PIM3: variants seen among roughly 807,000 people sequenced by gnomAD.
The protein encoded by PIM3 is serine/threonine-protein kinase pim-3.
Under a neutral mutation model 27.5 loss-of-function variants are expected in PIM3, and 13 were observed. That is an observed-to-expected ratio of 0.47 (90% CI 0.31 to 0.75). PIM3 has a LOEUF of 0.75. PIM3 is among the 30% of genes least tolerant of loss of function. The pLI, the probability that PIM3 is intolerant of heterozygous loss-of-function variation, is 0.05. For missense variants in PIM3, 482 were observed against 476.9 expected (o/e 1.01, Z -0.10); for synonymous variants, 341 against 221.1 (o/e 1.54, Z -4.81).
intron 4 of PIM3, among the ~76,000 whole-genome samples, chr22:49,962,162 C>A (rs2060910957): frequency 6.6e-6 from 1 of 151,966 alleles, no homozygotes; most frequent in Non-Finnish European, 1.5e-5. Context: ...CAGGGCGCAG[C>A]CGGGCTGGGT....
chr22:49,961,860 G>A, intron 4 of PIM3, 49 bp downstream of exon 4: 1 of 1,599,430 alleles, frequency 6.3e-7, no homozygotes, highest in Non-Finnish European at 8.5e-7. Flanking sequence ...TTGCCGGCGG[G>A]TTAACGCCTG....
rs539764110 is a variant in PIM3, at chr22:49,961,507, C to T, written c.312C>T (p.Arg104=). ...AGGTGGGCGCGGCGGGCGGCGCGCG[C>T]GGCGTCATCCGCCTGCTGGACTGGT... ...LRKVGAAGGA[R]GVIRLLDWFE... Residue 104 remains arginine (R), a synonymous_variant, in exon 4 of 6, where the codon CGC becomes CGT. Coordinates refer to ENST00000360612, the MANE Select transcript of PIM3 (RefSeq NM_001001852.4). The T allele has an allele frequency of 5.9e-5, 89 of 1,500,536 alleles. 1 individual carries two copies. In the South Asian group the frequency reaches 1.1e-3, roughly 18 times the overall value. 93.0% of individuals were successfully genotyped at this position (1,500,536 alleles called of 1,614,324 possible). A position where few individuals can be genotyped will look rare whatever the true frequency, so the allele number is the denominator to read the frequency against.
chr22:49,961,290 G>C, intron 2 of PIM3, 28 bp from the exon 3 acceptor site: 1 of 1,543,404 alleles, frequency 6.5e-7, no homozygotes. Flanking sequence ...GCCTCGCTTG[G>C]CCCGGCCTGA....
chr22:49,963,991 G>T lies in PIM3; in HGVS notation c.*864G>T, dbSNP rs908872556. The T allele has an allele frequency of 6.6e-6, 1 of 152,330 alleles. No homozygotes were observed. The highest frequency in any genetic ancestry group is 1.5e-5 in the Non-Finnish European group (1 of 68,046). 9.4% of individuals were successfully genotyped at this position (152,330 alleles called of 1,614,324 possible). A position where few individuals can be genotyped will look rare whatever the true frequency, so the allele number is the denominator to read the frequency against. ...CGGTGTGTGCAGGCATCGCAGATGG[G>T]GGTTCTTTCAGTTCAAAAGTGAGAT... On this transcript the variant is annotated 3_prime_UTR_variant, in exon 6 of 6. Coordinates refer to ENST00000360612, the MANE Select transcript of PIM3 (RefSeq NM_001001852.4).
Position 49,961,311 on chromosome 22 carries a change from T to C in PIM3, c.196-7T>C, listed in dbSNP as rs527758642. On this transcript the variant is annotated splice_region_variant and splice_polypyrimidine_tract_variant and intron_variant, in intron 2 of 5. Coordinates refer to ENST00000360612, the MANE Select transcript of PIM3 (RefSeq NM_001001852.4). ...CTTGGCCCGGCCTGACCCCCGCGTC[T>C]CCGCAGGTGGCTGTGAAGCACGTGG... is the stretch of plus-strand genomic sequence containing the variant. The C allele has an allele frequency of 1.9e-4, 292 of 1,545,114 alleles. 2 individuals carry two copies. Among genetic ancestry groups the C allele is most frequent in the Middle Eastern group, 1.1e-3 (6 of 5,304 alleles).
In PIM3 at chr22:49,960,876, C is replaced by A; in HGVS notation, c.-72C>A. On this transcript the variant is annotated 5_prime_UTR_variant, in exon 1 of 6. Transcript: ENST00000360612. The stretch of plus-strand genomic sequence containing the variant: ...GGGCTCGGACGGCCGGTGTCCCCGG[C>A]GCGCCGCTCGCCCGGATCGGCCGCG... The A allele has an allele frequency of 9.1e-7, 1 of 1,099,728 alleles. No individual in the cohort carries two copies. The highest frequency in any genetic ancestry group is 1.1e-6 in the Non-Finnish European group (1 of 899,586). The allele number at this position is 1,099,728 out of a possible 1,614,324, so 68.1% of individuals were successfully genotyped here. A position where few individuals can be genotyped will look rare whatever the true frequency, so the allele number is the denominator to read the frequency against.
chr22:49,960,863 C>A lies in PIM3; in HGVS notation c.-85C>A. 1 of 1,032,020 alleles carries A rather than the reference C, an allele frequency of 9.7e-7. No individual in the cohort carries two copies. The highest frequency in any genetic ancestry group is 1.2e-6 in the Non-Finnish European group (1 of 842,980). 63.9% of individuals were successfully genotyped at this position (1,032,020 alleles called of 1,614,324 possible). A position where few individuals can be genotyped will look rare whatever the true frequency, so the allele number is the denominator to read the frequency against. On this transcript the variant is annotated 5_prime_UTR_variant, in exon 1 of 6. Transcript: ENST00000360612. ...CGCGGACCGCCTCGGGCTCGGACGGCCGGTGTCCCCGGCGCGCCGCTCGCC... is the reference window on the plus strand; with the variant it reads ...CGCGGACCGCCTCGGGCTCGGACGGACGGTGTCCCCGGCGCGCCGCTCGCC...
In PIM3 at chr22:49,961,445, G is replaced by T. The variant is rs1278899150; in HGVS notation, c.250G>T (p.Gly84Cys). The T allele has an allele frequency of 1.4e-6, 2 of 1,431,088 alleles. No homozygotes were observed. Among genetic ancestry groups the T allele is most frequent in the Middle Eastern group, 2.5e-4 (1 of 4,038 alleles). 88.6% of individuals were successfully genotyped at this position (1,431,088 alleles called of 1,614,324 possible). A position where few individuals can be genotyped will look rare whatever the true frequency, so the allele number is the denominator to read the frequency against. ...ERVTEWGSLGGATVPLEVVLL... is the reference protein window; with the variant it reads ...ERVTEWGSLGCATVPLEVVLL... ...TGCTGACCGCCGTGTCCCCCAGGGC[G>T]GCGCGACCGTGCCCCTGGAGGTGGT... is the stretch of plus-strand genomic sequence containing the variant. Residue 84 changes from glycine to cysteine, a missense_variant, in exon 4 of 6, where the codon GGC becomes TGC. By Grantham distance (159) the Gly-to-Cys change is radical. Coordinates refer to ENST00000360612, the MANE Select transcript of PIM3 (RefSeq NM_001001852.4).
Position 49,962,848 on chromosome 22 carries a change from G to C in PIM3, c.776G>C (p.Arg259Pro). ...ATCCTCCGAGGCCGCCTGCTCTTCC[G>C]GAGGAGGGTCTCTCCAGGTGCGTGG... The part of the protein sequence containing the change: ...EEILRGRLLF[R>P]RRVSPECQQL... The change falls in exon 5 of 6, where the codon CGG becomes CCG. Residue 259 changes from arginine to proline, a missense_variant. By Grantham distance (103) the Arg-to-Pro change is moderately radical. Transcript: ENST00000360612. The C allele has an allele frequency of 6.2e-7, 1 of 1,610,206 alleles. No homozygotes were observed. Among genetic ancestry groups the C allele is most frequent in the Non-Finnish European group, 8.5e-7 (1 of 1,179,600 alleles).
Position 49,961,432 on chromosome 22 carries a change from T to C in PIM3, c.247-10T>C, listed in dbSNP as rs2060906647. 9 of 1,416,252 alleles carry C rather than the reference T, an allele frequency of 6.4e-6. No homozygotes were observed. The East Asian group carries it at 2.4e-4, about 38-fold the overall frequency. The allele number at this position is 1,416,252 out of a possible 1,614,324, so 87.7% of individuals were successfully genotyped here. ...GGCGCGGGGCTTTTGCTGACCGCCGTGTCCCCCAGGGCGGCGCGACCGTGC... is the reference window on the plus strand; with the variant it reads ...GGCGCGGGGCTTTTGCTGACCGCCGCGTCCCCCAGGGCGGCGCGACCGTGC... On this transcript the variant is annotated splice_polypyrimidine_tract_variant and intron_variant, in intron 3 of 5. Coordinates refer to ENST00000360612, the MANE Select transcript of PIM3 (RefSeq NM_001001852.4).
chr22:49,962,978 C>T lies in PIM3; in HGVS notation c.832C>T (p.Pro278Ser). The T allele has an allele frequency of 6.2e-7, 1 of 1,609,880 alleles. No homozygotes were observed. Residue 278 changes from proline to serine, a missense_variant, in exon 6 of 6, where the codon CCC becomes TCC. Coordinates refer to ENST00000360612, the MANE Select transcript of PIM3 (RefSeq NM_001001852.4). ...GATCCGGTGGTGCCTGTCCCTGCGG[C>T]CCTCAGAGCGGCCGTCGCTGGATCA... ...QLIRWCLSLRPSERPSLDQIA... is the reference protein window; with the variant it reads ...QLIRWCLSLRSSERPSLDQIA...
rs1369249660 is a variant in PIM3, at chr22:49,963,248, C to T, written c.*121C>T. The T allele has an allele frequency of 6.1e-6, 7 of 1,155,884 alleles. No individual in the cohort carries two copies. The East Asian group carries it at 8.1e-5, about 13-fold the overall frequency. 71.6% of individuals were successfully genotyped at this position (1,155,884 alleles called of 1,614,324 possible). On this transcript the variant is annotated 3_prime_UTR_variant, in exon 6 of 6. Transcript: ENST00000360612. ...CCTGCGGAAGCAGTGACCTCTGACC[C>T]CTGGTGACCTTCGCTTTGAGTGCCT...
chr22:49,961,956 T>C, intron 4 of PIM3, 145 bp downstream of exon 4: 2 of 1,263,076 alleles, frequency 1.6e-6, no homozygotes, highest in Non-Finnish European at 2.2e-6. Context: ...GCCCACGCGC[T>C]ACCCTGGGGA....
rs1399009578 is a variant in PIM3 at position 49,962,836 on chromosome 22, G to C, written c.764G>C (p.Arg255Pro). ...FEQDEEILRG[R>P]LLFRRRVSPE... ...CAGGACGAGGAGATCCTCCGAGGCC[G>C]CCTGCTCTTCCGGAGGAGGGTCTCT... Residue 255 changes from arginine (R) to proline (P), a missense_variant, in exon 5 of 6, where the codon CGC (arginine) becomes CCC (proline). By Grantham distance (103) the Arg-to-Pro change is moderately radical (BLOSUM62 -2). Coordinates refer to ENST00000360612, the MANE Select transcript of PIM3 (RefSeq NM_001001852.4). 1 of 1,610,688 alleles carries C rather than the reference G, an allele frequency of 6.2e-7. No individual in the cohort carries two copies. Among genetic ancestry groups the C allele is most frequent in the South Asian group, 1.1e-5 (1 of 91,058 alleles).
chr22:49,961,303 C>G lies in PIM3; in HGVS notation c.196-15C>G, dbSNP rs774670494. On this transcript the variant is annotated splice_polypyrimidine_tract_variant and intron_variant, in intron 2 of 5. Transcript: ENST00000360612. The stretch of plus-strand genomic sequence containing the variant: ...GCGCCTCGCTTGGCCCGGCCTGACC[C>G]CCGCGTCTCCGCAGGTGGCTGTGAA... The G allele has an allele frequency of 3.2e-6, 5 of 1,543,966 alleles. No individual in the cohort carries two copies. The highest frequency in any genetic ancestry group is 2.0e-5 in the Admixed American group (1 of 49,612).
At position 49,960,921 on chromosome 22, in the gene PIM3, G is replaced by GGGGCTCC. The variant is rs1326081449; in HGVS notation, c.-23_-17dup. The GGGGCTCC allele has an allele frequency of 7.9e-7, 1 of 1,259,942 alleles. No individual in the cohort carries two copies. Among genetic ancestry groups the GGGGCTCC allele is most frequent in the Non-Finnish European group, 1.0e-6 (1 of 996,220 alleles). The allele number at this position is 1,259,942 out of a possible 1,614,324, so 78.0% of individuals were successfully genotyped here. A position where few individuals can be genotyped will look rare whatever the true frequency, so the allele number is the denominator to read the frequency against. On this transcript the variant is annotated 5_prime_UTR_variant, in exon 1 of 6. Coordinates refer to ENST00000360612, the MANE Select transcript of PIM3 (RefSeq NM_001001852.4). ...GCCGCGGCTTCGGCGCCTGGGGCTC[G>GGGGCTCC]GGGCTCCGGGGAGGCCGTCGCCCGC...
In PIM3 at chr22:49,963,291, C is replaced by T. The variant is rs906665857; in HGVS notation, c.*164C>T. 2.7e-5 allele frequency: 21 copies of T among 764,310 alleles called. 1 individual carries two copies. In the South Asian group the frequency reaches 2.9e-4, roughly 10 times the overall value. 47.3% of individuals were successfully genotyped at this position (764,310 alleles called of 1,614,324 possible). On this transcript the variant is annotated 3_prime_UTR_variant, in exon 6 of 6. Coordinates refer to ENST00000360612, the MANE Select transcript of PIM3 (RefSeq NM_001001852.4). ...GAGTGCCTTTTGAACGCTGGTCCCG[C>T]GGGACTTGGTTTTCTCAAGCTCTGT... is the stretch of plus-strand genomic sequence containing the variant.
intron 4 of PIM3, among the ~76,000 whole-genome samples, chr22:49,962,326 C>T (rs1418124902): frequency 6.7e-6 from 1 of 149,124 alleles, no homozygotes; most frequent in African/African-American, 2.5e-5. Flanking sequence ...CCCCGCCCGC[C>T]CCTCCCTCCT....
At chr22:49,961,974 G>A (rs539726016) in intron 4 of PIM3, among the ~76,000 whole-genome samples, 163 bp downstream of exon 4, 3 of 152,120 alleles carry the variant, frequency 2.0e-5, no homozygotes, top group Non-Finnish European at 4.4e-5. Context: ...GGAGGGCTGA[G>A]CGAGGGATCA....
Sources: gnomAD v4.1 joint callset for allele counts (sites outside exome capture counted in the v4.1 genomes callset) on GRCh38, gnomAD v4.1.1 for gene constraint, MANE v1.5 for transcripts, NCBI Gene and HGNC (gene_info 2026-07-23, HGNC 2026-07-21) for gene names.